RAD51: variants seen among roughly 807,000 people sequenced by gnomAD.
The protein encoded by RAD51 is RAD51 recombinase.
In RAD51, 14 loss-of-function variants were observed where a neutral mutation model predicts 41.5. The observed-to-expected ratio is 0.34, with a 90% CI of 0.22 to 0.53. The LOEUF (loss-of-function observed/expected upper bound fraction) is 0.53. Among genes scored for constraint, RAD51 ranks in the 20% least tolerant of loss-of-function variants. The pLI, the probability that RAD51 is intolerant of heterozygous loss-of-function variation, is 0.95. For synonymous variants in RAD51, 136 were observed against 148.6 expected (o/e 0.92, Z 0.62); for missense variants, 234 against 422.0 (o/e 0.55, Z 3.90).
At chr15:40,730,085 A>C in intron 9 of RAD51, 111 bp downstream of exon 9, 2 of 1,412,476 alleles carry the variant, frequency 1.4e-6, no homozygotes, top group South Asian at 1.2e-5. Flanking sequence ...TTGTATAGAC[A>C]CTTAGGAACT....
chr15:40,709,122 C>A lies in RAD51; in HGVS notation c.435+6C>A. 1.2e-6 allele frequency: 2 copies of A among 1,604,460 alleles called. No homozygotes were observed. The highest frequency in any genetic ancestry group is 1.7e-6 in the Non-Finnish European group (2 of 1,171,322). The stretch of plus-strand genomic sequence containing the variant: ...CGCTAGCTGTCACCTGCCAGGTGAG[C>A]TGTTGGGGCTATAGCTAATCAAATA... On this transcript the variant is annotated splice_donor_region_variant and intron_variant, in intron 5 of 9. Transcript: ENST00000267868.
intron 1 of RAD51, among the ~76,000 whole-genome samples, chr15:40,696,189 G>T (rs942588092): frequency 2.7e-5 from 4 of 150,830 alleles, no homozygotes; most frequent in Admixed American, 6.7e-5. Context: ...CTGTTTTTTT[G>T]TTTGTTTGTT....
intron 6 of RAD51, among the ~76,000 whole-genome samples, chr15:40,726,643 G>T (rs559998783): frequency 1.3e-5 from 2 of 151,634 alleles, no homozygotes; most frequent in African/African-American, 4.8e-5. Flanking sequence ...GGCCGGGCGC[G>T]GTGGCTCATG....
At chr15:40,698,122 CAGCT>C (rs1210719105) in intron 1 of RAD51, among the ~76,000 whole-genome samples, 1 of 152,018 alleles carries the variant, frequency 6.6e-6, no homozygotes, top group Non-Finnish European at 1.5e-5. Context: ...CCCCCTGCAA[CAGCT>C]GCATTCTCCT....
chr15:40,701,463 C>G (rs1229385459), intron 3 of RAD51, among the ~76,000 whole-genome samples: 1 of 147,910 alleles, frequency 6.8e-6, no homozygotes, highest in South Asian at 2.1e-4. Context: ...CAACCTTCAC[C>G]TCCCAAGCTC....
At chr15:40,714,608 G>T (rs187787248) in intron 5 of RAD51, among the ~76,000 whole-genome samples, 1 of 152,106 alleles carries the variant, frequency 6.6e-6, no homozygotes, top group Non-Finnish European at 1.5e-5. Flanking sequence ...TATATAGATC[G>T]TTGACTTTTT....
chr15:40,697,202 G>A (rs1235411597), intron 1 of RAD51, among the ~76,000 whole-genome samples: 1 of 152,200 alleles, frequency 6.6e-6, no homozygotes, highest in Non-Finnish European at 1.5e-5. Context: ...CCGGGTTCAA[G>A]CGATTCTCCT....
At chr15:40,725,394 GAA>G (rs1896530571) in intron 6 of RAD51, among the ~76,000 whole-genome samples, 1 of 152,068 alleles carries the variant, frequency 6.6e-6, no homozygotes, top group South Asian at 2.1e-4. Context: ...TCTTTATCAA[GAA>G]AAAAATTTTA....
intron 6 of RAD51, among the ~76,000 whole-genome samples, chr15:40,727,377 C>T (rs974608873): frequency 2.6e-5 from 4 of 152,008 alleles, no homozygotes; most frequent in Admixed American, 1.3e-4. Context: ...GGTGCGATCT[C>T]GGCTCACTGC....
intron 1 of RAD51, among the ~76,000 whole-genome samples, chr15:40,696,170 G>A (rs572756668): frequency 6.6e-6 from 1 of 151,880 alleles, no homozygotes; most frequent in Non-Finnish European, 1.5e-5. Flanking sequence ...GAGCCACAGC[G>A]CCTGGCCCCT....
intron 2 of RAD51, among the ~76,000 whole-genome samples, chr15:40,699,343 A>G (rs1894843086): frequency 6.6e-6 from 1 of 152,216 alleles, no homozygotes; most frequent in Admixed American, 6.5e-5. Context: ...GGGTTTCTCC[A>G]TGTTGGTCAG....
At chr15:40,701,366 T>C (rs543460168) in intron 3 of RAD51, among the ~76,000 whole-genome samples, 165 bp downstream of exon 3, 5 of 143,272 alleles carry the variant, frequency 3.5e-5, no homozygotes, top group African/African-American at 1.0e-4. Context: ...CTTTTCTTTT[T>C]TTTTTCTTTC....
intron 5 of RAD51, among the ~76,000 whole-genome samples, 178 bp from the exon 6 acceptor site, chr15:40,718,627 A>G (rs1313808517): frequency 6.6e-6 from 1 of 152,170 alleles, no homozygotes; most frequent in East Asian, 1.9e-4. Context: ...TCAGCTTTAC[A>G]TATTTTTCTA....
chr15:40,698,980 A>G (rs1894822263), intron 2 of RAD51, 135 bp downstream of exon 2: 2 of 842,874 alleles, frequency 2.4e-6, no homozygotes, highest in Non-Finnish European at 3.9e-6. Flanking sequence ...AAGTGTTGTC[A>G]ATAATCCTGT....
intron 1 of RAD51, among the ~76,000 whole-genome samples, chr15:40,698,437 C>T (rs541265472): frequency 2.0e-5 from 3 of 152,018 alleles, no homozygotes; most frequent in African/African-American, 7.2e-5. Context: ...CTGCCCGCCT[C>T]GGCCTCCCAA....
At chr15:40,701,701 C>A in intron 3 of RAD51, 1 of 214,908 alleles carries the variant, frequency 4.7e-6, no homozygotes, top group Non-Finnish European at 9.5e-6. Context: ...GTTTTATGAA[C>A]CTATTTCTTC....
chr15:40,713,578 A>T (rs1309794719), intron 5 of RAD51, among the ~76,000 whole-genome samples: 1 of 144,386 alleles, frequency 6.9e-6, no homozygotes. Context: ...TGCTCCACTG[A>T]TATTTTCTTT....
At chr15:40,714,852 C>T (rs1469630528) in intron 5 of RAD51, among the ~76,000 whole-genome samples, 1 of 152,066 alleles carries the variant, frequency 6.6e-6, no homozygotes, top group Admixed American at 6.6e-5. Context: ...ATGAATTAGC[C>T]CATGCTTGTT....
At chr15:40,707,150 AT>A (rs751900607) in intron 4 of RAD51, among the ~76,000 whole-genome samples, 368 of 93,610 alleles carry the variant, frequency 3.9e-3, no homozygotes, top group African/African-American at 9.4e-3. Context: ...CACCTGGCTA[AT>A]TTTTTTTTTT....
Sources: gnomAD v4.1 joint callset for allele counts (sites outside exome capture counted in the v4.1 genomes callset) on GRCh38, gnomAD v4.1.1 for gene constraint, MANE v1.5 for transcripts, NCBI Gene and HGNC (gene_info 2026-07-23, HGNC 2026-07-21) for gene names.